The following RASAL2 variants were observed in gnomAD, a reference collection of about 807,000 sequenced individuals.
RASAL2 encodes the protein RAS protein activator like 2.
A neutral mutation model predicts 128.9 loss-of-function variants in RASAL2; 58 were observed. The ratio of observed to expected loss-of-function variants is 0.45; its 90% confidence interval spans 0.36 to 0.56. The LOEUF is 0.56. Ranked by LOEUF, RASAL2 falls within the 20% of genes least tolerant of loss-of-function variation. The probability of loss-of-function intolerance (pLI) is 0.00; values close to 1 mark genes in which losing one functional copy is unlikely to be tolerated. For synonymous variants in RASAL2, 561 were observed against 580.8 expected, an observed-to-expected ratio of 0.97 and a Z score of 0.49; for missense variants, 1,360 against 1,601.6, an observed-to-expected ratio of 0.85 and a Z score of 2.57.
At chr1:178,319,586 C>G (rs10218456) in intron 3 of RASAL2, among the ~76,000 whole-genome samples, 11,934 of 141,416 alleles carry the variant, frequency 0.084, 637 homozygotes, top group Middle Eastern at 0.11. Context: ...TTGATCGTAT[C>G]GGCTCCTGAG....
intron 1 of RASAL2, among the ~76,000 whole-genome samples, chr1:178,105,231 T>C (rs941833930): frequency 4.6e-5 from 7 of 152,322 alleles, no homozygotes; most frequent in Admixed American, 1.3e-4. Flanking sequence ...TAAAGTAATT[T>C]AAAATCTTTT....
intron 1 of RASAL2, among the ~76,000 whole-genome samples, chr1:178,281,459 G>C (rs1182888867): frequency 2.6e-5 from 4 of 152,074 alleles, no homozygotes; most frequent in Non-Finnish European, 5.9e-5. Context: ...TCACAGAAAA[G>C]AGAATTTAGA....
intron 1 of RASAL2, among the ~76,000 whole-genome samples, chr1:178,115,314 A>G (rs1263413369): frequency 6.6e-6 from 1 of 152,202 alleles, no homozygotes; most frequent in Non-Finnish European, 1.5e-5. Context: ...ATCCTTAATG[A>G]TGTTACCTCT....
chr1:178,132,529 C>T (rs1028256600), intron 1 of RASAL2, among the ~76,000 whole-genome samples: 5 of 152,054 alleles, frequency 3.3e-5, no homozygotes, highest in Non-Finnish European at 7.4e-5. Flanking sequence ...ATAAATCACC[C>T]AGTAATTTAC....
intron 1 of RASAL2, among the ~76,000 whole-genome samples, chr1:178,186,333 G>A (rs892877295): frequency 6.6e-6 from 1 of 150,650 alleles, no homozygotes; most frequent in Non-Finnish European, 1.5e-5. Flanking sequence ...ACCAGCTTCT[G>A]GTTTTGTTTG....
intron 4 of RASAL2, among the ~76,000 whole-genome samples, chr1:178,416,960 G>A (rs1047121142): frequency 1.4e-5 from 2 of 146,438 alleles, no homozygotes; most frequent in African/African-American, 5.1e-5. Flanking sequence ...TTTGGGGGTT[G>A]GGATTTTTTT....
intron 1 of RASAL2, among the ~76,000 whole-genome samples, chr1:178,139,286 G>C (rs970495874): frequency 1.3e-5 from 2 of 151,732 alleles, no homozygotes; most frequent in African/African-American, 2.4e-5. Context: ...TTTCTGAGAG[G>C]ACCATATTTG....
chr1:178,161,868 G>C (rs1221345311), intron 1 of RASAL2, among the ~76,000 whole-genome samples: 1 of 152,066 alleles, frequency 6.6e-6, no homozygotes, highest in Non-Finnish European at 1.5e-5. Flanking sequence ...TTGAGACACT[G>C]TGTGTCTTCT....
At position 178,452,608 on chromosome 1, in the gene RASAL2, A is replaced by C; in HGVS notation, c.1965A>C (p.Leu655=). 6.2e-7 allele frequency: 1 copy of C among 1,614,024 alleles called. No individual in the cohort carries two copies. Among genetic ancestry groups the C allele is most frequent in the Non-Finnish European group, 8.5e-7 (1 of 1,179,938 alleles). Residue 655 remains leucine, a synonymous_variant, in exon 11 of 18, where the codon CTA becomes CTC. Coordinates refer to ENST00000367649, the MANE Select transcript of RASAL2 (RefSeq NM_170692.4). ...EYPDDRTSRT[L]TLIAKVIQNL... ...CTGATGACCGCACATCTCGGACTCT[A>C]ACTCTTATTGCCAAGGTCATTCAGA...
At chr1:178,440,204 A>G (rs879372550) in intron 6 of RASAL2, among the ~76,000 whole-genome samples, 3 of 152,018 alleles carry the variant, frequency 2.0e-5, no homozygotes, top group Admixed American at 1.3e-4. Flanking sequence ...ATATACATGT[A>G]TTTATACATA....
At chr1:178,175,963 G>T (rs1044379941) in intron 1 of RASAL2, among the ~76,000 whole-genome samples, 2 of 152,060 alleles carry the variant, frequency 1.3e-5, no homozygotes, top group Admixed American at 6.6e-5. Flanking sequence ...TGGTTGATGG[G>T]CACTTAGGTT....
chr1:178,132,885 C>T (rs1660172700), intron 1 of RASAL2, among the ~76,000 whole-genome samples: 1 of 151,522 alleles, frequency 6.6e-6, no homozygotes, highest in Non-Finnish European at 1.5e-5. Context: ...TCTCCTGCCT[C>T]AACCTCCCAA....
At chr1:178,262,079 A>G (rs1665723695) in intron 1 of RASAL2, among the ~76,000 whole-genome samples, 1 of 152,116 alleles carries the variant, frequency 6.6e-6, no homozygotes, top group Non-Finnish European at 1.5e-5. Context: ...CATTATATTA[A>G]GAATATAAAG....
chr1:178,133,394 G>A lies in RASAL2; in HGVS notation c.202+38700G>A, dbSNP rs561459679. On this transcript the variant is annotated intron_variant, in intron 1 of 17. Coordinates refer to ENST00000367649, the MANE Select transcript of RASAL2 (RefSeq NM_170692.4). The stretch of plus-strand genomic sequence containing the variant: ...AAACCTAGCAACTCTATGAATAGCA[G>A]GACAGACTTGAATGTGGTGTGTGTG... 5.9e-5 allele frequency among the ~76,000 whole-genome samples: 9 copies of A among 152,156 alleles called. No individual in the cohort carries two copies. In the East Asian group the frequency reaches 1.7e-3, roughly 29 times the overall value.
At chr1:178,134,894 A>G (rs1660261914) in intron 1 of RASAL2, among the ~76,000 whole-genome samples, 1 of 152,174 alleles carries the variant, frequency 6.6e-6, no homozygotes, top group South Asian at 2.1e-4. Flanking sequence ...TTTTTTTGGG[A>G]TACGCAAGGC....
rs774022113 is a variant in RASAL2 at position 178,283,683 on chromosome 1, G to C, written c.322G>C (p.Glu108Gln). Residue 108 changes from glutamate (E) to glutamine (Q), a missense_variant, in exon 2 of 18, where the codon GAG becomes CAG. Coordinates refer to ENST00000367649, the MANE Select transcript of RASAL2 (RefSeq NM_170692.4). ...TDSQLVLLNK[E>Q]KEIPVEGGQE... ...CAGCCAGTTGGTATTGCTCAACAAG[G>C]AGAAGGAGGTGAGATGGATATTATT... 1.2e-6 allele frequency: 2 copies of C among 1,613,638 alleles called. No individual in the cohort carries two copies. Among genetic ancestry groups the C allele is most frequent in the Admixed American group, 1.7e-5 (1 of 59,956 alleles).
chr1:178,390,926 GC>G (rs1199934934), intron 4 of RASAL2, among the ~76,000 whole-genome samples: 2 of 152,006 alleles, frequency 1.3e-5, no homozygotes, highest in Non-Finnish European at 2.9e-5. Flanking sequence ...TGGAACATAA[GC>G]AGAGAGTGAC....
chr1:178,277,605 A>C (rs1031921636), intron 1 of RASAL2, among the ~76,000 whole-genome samples: 10 of 152,264 alleles, frequency 6.6e-5, no homozygotes, highest in African/African-American at 2.4e-4. Flanking sequence ...AAGCCAGGTT[A>C]GCTGTGGTGT....
intron 1 of RASAL2, among the ~76,000 whole-genome samples, chr1:178,199,389 C>A (rs1662786817): frequency 6.6e-6 from 1 of 152,196 alleles, no homozygotes; most frequent in Non-Finnish European, 1.5e-5. Context: ...CTACGTTGAT[C>A]ATGCTAGGAG....
Sources: allele counts gnomAD v4.1 joint callset (sites outside exome capture counted in the v4.1 genomes callset), GRCh38; gene constraint gnomAD v4.1.1; transcripts MANE v1.5; gene names NCBI Gene and HGNC (gene_info 2026-07-23, HGNC 2026-07-21).